PDGFRL: variants seen among roughly 807,000 people sequenced by gnomAD.
The protein encoded by PDGFRL is platelet derived growth factor receptor like.
In PDGFRL, 46 loss-of-function variants were observed where a neutral mutation model predicts 37.2. The ratio of observed to expected loss-of-function variants is 1.24; its 90% CI spans 0.98 to 1.58. PDGFRL has a LOEUF of 1.58. Ranked by LOEUF, PDGFRL falls within the 40% of genes most tolerant of loss-of-function variation. The pLI, the probability that PDGFRL is intolerant of heterozygous loss-of-function variation, is 0.00. For missense variants in PDGFRL, 692 were observed against 467.6 expected (o/e 1.48, Z -4.43); for synonymous variants, 251 against 184.3 (o/e 1.36, Z -2.93).
At position 17,628,587 on chromosome 8, in the gene PDGFRL, G is replaced by T; in HGVS notation, c.606G>T (p.Ser202=). The change falls in exon 4 of 6, where the codon TCG becomes TCT. Residue 202 remains serine (S), a synonymous_variant. Coordinates refer to ENST00000251630, the MANE Select transcript of PDGFRL (RefSeq NM_001372073.1). ...AVVPCRVTVL[S]AKVTLHREFP... ...TTCCTTGTCGGGTGACCGTGCTGTC[G>T]GCCAAAGTCACGCTCCACAGGGAAT... 1 of 1,614,102 alleles carries T rather than the reference G, an allele frequency of 6.2e-7. No homozygotes were observed. Among genetic ancestry groups the T allele is most frequent in the South Asian group, 1.1e-5 (1 of 91,086 alleles).
intron 2 of PDGFRL, among the ~76,000 whole-genome samples, chr8:17,613,122 A>G (rs1204525801): frequency 6.6e-6 from 1 of 152,118 alleles, no homozygotes; most frequent in African/African-American, 2.4e-5. Context: ...ATTTTTTACG[A>G]TCACTGTCAT....
At chr8:17,576,620 G>C (rs564202702), upstream of PDGFRL, 6 of 598,668 alleles carry the variant, frequency 1.0e-5, no homozygotes, top group African/African-American at 1.2e-4. Flanking sequence ...GGCCCGGGTT[G>C]TCTGCACAGT....
chr8:17,631,786 T>A (rs999117813), intron 4 of PDGFRL, among the ~76,000 whole-genome samples: 1 of 151,820 alleles, frequency 6.6e-6, no homozygotes, highest in Non-Finnish European at 1.5e-5. Flanking sequence ...TTTTCCCAGC[T>A]TCCCCCACCT....
intron 1 of PDGFRL, 60 bp from the exon 2 acceptor site, chr8:17,589,408 C>T (rs1803883802): frequency 2.3e-6 from 3 of 1,288,582 alleles, no homozygotes; most frequent in Admixed American, 2.2e-5. Context: ...AAGTTATTGG[C>T]CTCAAATATT....
intron 1 of PDGFRL, 135 bp downstream of exon 1, chr8:17,577,442 C>A: frequency 1.4e-6 from 1 of 733,296 alleles, no homozygotes; most frequent in Non-Finnish European, 2.4e-6. Flanking sequence ...CCACTGCCTG[C>A]CCGGTGCACC....
intron 3 of PDGFRL, among the ~76,000 whole-genome samples, chr8:17,625,339 A>T (rs7817839): frequency 0.014 from 2,165 of 152,180 alleles, 43 homozygotes; most frequent in African/African-American, 0.049. Flanking sequence ...TTTAGCAGAG[A>T]TGGGGTTTCA....
intron 2 of PDGFRL, among the ~76,000 whole-genome samples, chr8:17,609,665 A>AAAAT (rs869133686): frequency 5.1e-5 from 5 of 97,522 alleles, no homozygotes; most frequent in Admixed American, 1.1e-4. Context: ...AAAAAAAAAA[A>AAAAT]TAAGAGCCAA....
In PDGFRL at chr8:17,589,407, G is replaced by A. The variant is rs1013194435; in HGVS notation, c.56-61G>A. 361 of 1,260,176 alleles carry A rather than the reference G, an allele frequency of 2.9e-4. 1 individual carries two copies. The highest frequency in any genetic ancestry group is 2.4e-3 in the Middle Eastern group (9 of 3,694). 78.1% of individuals were successfully genotyped at this position (1,260,176 alleles called of 1,614,324 possible). On this transcript the variant is annotated intron_variant, in intron 1 of 5. Transcript: ENST00000251630. ...TCTCAAAAAAAAAAAAAAGTTATTGGCCTCAAATATTCCAAAAATGTCATT... is the reference window on the plus strand; with the variant it reads ...TCTCAAAAAAAAAAAAAAGTTATTGACCTCAAATATTCCAAAAATGTCATT...
At chr8:17,620,718 T>C (rs541662282) in intron 2 of PDGFRL, among the ~76,000 whole-genome samples, 2 of 152,308 alleles carry the variant, frequency 1.3e-5, no homozygotes, top group South Asian at 2.1e-4. Context: ...ATAAAATTTT[T>C]TGAATTGTTG....
chr8:17,581,698 A>T (rs1179223502), intron 1 of PDGFRL, among the ~76,000 whole-genome samples: 2 of 152,114 alleles, frequency 1.3e-5, no homozygotes, highest in Admixed American at 6.5e-5. Flanking sequence ...TGATCTCTGC[A>T]CTGCTAGTTA....
intron 4 of PDGFRL, among the ~76,000 whole-genome samples, chr8:17,630,056 C>T (rs1323543270): frequency 6.6e-6 from 1 of 152,168 alleles, no homozygotes; most frequent in African/African-American, 2.4e-5. Context: ...TGCCTGTACT[C>T]AGAGAGTTAA....
intron 2 of PDGFRL, among the ~76,000 whole-genome samples, chr8:17,609,340 C>G (rs577456004): frequency 6.6e-6 from 1 of 152,024 alleles, no homozygotes; most frequent in Non-Finnish European, 1.5e-5. Context: ...AACCCTATGT[C>G]TACTAAAAAT....
At chr8:17,640,290 T>C (rs1027704190) in intron 5 of PDGFRL, among the ~76,000 whole-genome samples, 1 of 152,202 alleles carries the variant, frequency 6.6e-6, no homozygotes, top group Non-Finnish European at 1.5e-5. Context: ...ATTCAGGGAT[T>C]TCTTTTTGGA....
At chr8:17,618,542 T>C (rs1043170961) in intron 2 of PDGFRL, among the ~76,000 whole-genome samples, 1 of 152,214 alleles carries the variant, frequency 6.6e-6, no homozygotes, top group Non-Finnish European at 1.5e-5. Context: ...ATGAGTGGTA[T>C]TCAGAACATA....
At chr8:17,596,135 G>T (rs1327414204) in intron 2 of PDGFRL, among the ~76,000 whole-genome samples, 1 of 130,968 alleles carries the variant, frequency 7.6e-6, no homozygotes, top group Non-Finnish European at 1.5e-5. Context: ...CTTGCTGGGG[G>T]ACCTGGGCCA....
Position 17,642,576 on chromosome 8 carries a change from C to T in PDGFRL, c.940-37C>T, listed in dbSNP as rs145886660. Reference sequence around the variant, plus strand: ...GTGGGAGCTCTTTATAGCAGCTTGTCCCTCTTGCTTCAGTCTTTGTGGGTG... The same window carrying T: ...GTGGGAGCTCTTTATAGCAGCTTGTTCCTCTTGCTTCAGTCTTTGTGGGTG... On this transcript the variant is annotated intron_variant, in intron 5 of 5. Transcript: ENST00000251630. 8.1e-4 allele frequency: 1,067 copies of T among 1,319,158 alleles called. 28 individuals are homozygous for T. The East Asian group carries it at 0.024, about 30-fold the overall frequency. The allele number at this position is 1,319,158 out of a possible 1,614,324, so 81.7% of individuals were successfully genotyped here.
At chr8:17,642,220 G>A (rs1479192297) in intron 5 of PDGFRL, among the ~76,000 whole-genome samples, 1 of 152,144 alleles carries the variant, frequency 6.6e-6, no homozygotes, top group Non-Finnish European at 1.5e-5. Flanking sequence ...TTTCAGTTCT[G>A]TAGGTAAGAA....
rs562745099 is a variant in PDGFRL, at chr8:17,615,235, C to T, written c.354-5816C>T. ...GGTTTAGTGTTGACTTAATAGAAAA[C>T]AGTGTACCGTTTCTACTATGGAATT... On this transcript the variant is annotated intron_variant, in intron 2 of 5. Coordinates refer to ENST00000251630, the MANE Select transcript of PDGFRL (RefSeq NM_001372073.1). Among the ~76,000 whole-genome samples the T allele has an allele frequency of 2.3e-4, 35 of 152,136 alleles. 1 individual carries two copies. The South Asian group carries it at 7.1e-3, about 31-fold the overall frequency.
chr8:17,619,213 G>C (rs1804585802), intron 2 of PDGFRL, among the ~76,000 whole-genome samples: 2 of 152,318 alleles, frequency 1.3e-5, no homozygotes, highest in South Asian at 2.1e-4. Context: ...TGAGTCCCCA[G>C]ATTAAAACTG....
Sources: gnomAD v4.1 joint callset for allele counts (sites outside exome capture counted in the v4.1 genomes callset) on GRCh38, gnomAD v4.1.1 for gene constraint, MANE v1.5 for transcripts, NCBI Gene and HGNC (gene_info 2026-07-23, HGNC 2026-07-21) for gene names.